Variants in PCDH9 observed in about 807,000 individuals in gnomAD.
PCDH9 encodes the protein protocadherin-9.
PCDH9 carries 24 observed loss-of-function variants against 70.6 expected under a neutral mutation model. The observed-to-expected ratio is 0.34, with a 90% confidence interval of 0.25 to 0.48. The LOEUF (loss-of-function observed/expected upper bound fraction) is 0.48, where lower values mean the gene tolerates loss of function less well. PCDH9 is among the 20% of genes least tolerant of loss of function. PCDH9 has a pLI of 0.99. For missense variants in PCDH9, 1,281 were observed against 1,503.6 expected, an observed-to-expected ratio of 0.85 and a Z score of 2.45; for synonymous variants, 562 against 558.5, an observed-to-expected ratio of 1.01 and a Z score of -0.09.
chr13:66,829,266 C>T (rs947949752), intron 3 of PCDH9, among the ~76,000 whole-genome samples: 3 of 152,160 alleles, frequency 2.0e-5, no homozygotes, highest in African/African-American at 7.2e-5. Context: ...ATCCACCCAC[C>T]TCGGCCTCCC....
intron 3 of PCDH9, among the ~76,000 whole-genome samples, chr13:66,843,757 C>T (rs2081156410): frequency 6.6e-6 from 1 of 152,174 alleles, no homozygotes; most frequent in Admixed American, 6.5e-5. Flanking sequence ...GGCCCCATAG[C>T]AAAGTCTTTC....
chr13:66,398,033 A>G (rs1489481734), intron 4 of PCDH9, among the ~76,000 whole-genome samples: 1 of 152,128 alleles, frequency 6.6e-6, no homozygotes. Context: ...GTTCTGGCTT[A>G]TACCATAGAA....
At chr13:66,718,729 AG>A (rs1384471596) in intron 3 of PCDH9, among the ~76,000 whole-genome samples, 2 of 152,254 alleles carry the variant, frequency 1.3e-5, no homozygotes, top group African/African-American at 4.8e-5. Context: ...AAGCACCAAA[AG>A]AAATGTTGGT....
chr13:66,563,232 T>C (rs916394619), intron 4 of PCDH9, among the ~76,000 whole-genome samples: 2 of 152,138 alleles, frequency 1.3e-5, no homozygotes, highest in African/African-American at 4.8e-5. Context: ...TTCCCAGTTC[T>C]CTAAACAGCA....
chr13:66,622,195 C>T (rs2077431503), intron 4 of PCDH9, among the ~76,000 whole-genome samples: 1 of 152,222 alleles, frequency 6.6e-6, no homozygotes, highest in Non-Finnish European at 1.5e-5. Context: ...CGGGACAGGG[C>T]TTGAGACCTG....
intron 4 of PCDH9, among the ~76,000 whole-genome samples, chr13:66,396,427 G>A (rs1464830507): frequency 2.0e-5 from 3 of 152,090 alleles, no homozygotes; most frequent in Non-Finnish European, 4.4e-5. Context: ...CTGGAGACCC[G>A]GACTAAGGCT....
intron 3 of PCDH9, among the ~76,000 whole-genome samples, chr13:66,889,431 C>T (rs1241289915): frequency 6.6e-6 from 1 of 152,198 alleles, no homozygotes; most frequent in African/African-American, 2.4e-5. Flanking sequence ...GAGCAAGCTT[C>T]AGAGGGAAAG....
chr13:67,024,859 G>A (rs1373144916), intron 2 of PCDH9, among the ~76,000 whole-genome samples: 1 of 152,018 alleles, frequency 6.6e-6, no homozygotes, highest in Non-Finnish European at 1.5e-5. Flanking sequence ...AACATTTTCT[G>A]ATTTAACAAA....
intron 2 of PCDH9, among the ~76,000 whole-genome samples, chr13:66,967,325 A>G (rs1290837197): frequency 6.6e-6 from 1 of 152,078 alleles, no homozygotes; most frequent in Non-Finnish European, 1.5e-5. Context: ...ACTGTCCAAC[A>G]TTGTTGCTAT....
chr13:66,389,479 G>A (rs1251812909), intron 4 of PCDH9, among the ~76,000 whole-genome samples: 2 of 152,144 alleles, frequency 1.3e-5, no homozygotes, highest in African/African-American at 4.8e-5. Context: ...CTCAAACACG[G>A]TTTAATTTTT....
intron 2 of PCDH9, among the ~76,000 whole-genome samples, chr13:67,096,287 C>G (rs1051570410): frequency 2.0e-5 from 3 of 152,104 alleles, no homozygotes; most frequent in African/African-American, 7.2e-5. Flanking sequence ...TTTCATATAG[C>G]AACACACCAA....
At chr13:66,746,366 T>G (rs1357142557) in intron 3 of PCDH9, among the ~76,000 whole-genome samples, 1 of 152,220 alleles carries the variant, frequency 6.6e-6, no homozygotes, top group Admixed American at 6.5e-5. Flanking sequence ...TTAAATATTT[T>G]TAATGTATGT....
At chr13:66,575,447 T>C (rs754123089) in intron 4 of PCDH9, among the ~76,000 whole-genome samples, 3 of 152,092 alleles carry the variant, frequency 2.0e-5, no homozygotes, top group Non-Finnish European at 4.4e-5. Context: ...TACTCAAAAA[T>C]CTGGGAATGG....
At chr13:67,045,724 A>G (rs2085210406) in intron 2 of PCDH9, among the ~76,000 whole-genome samples, 1 of 152,154 alleles carries the variant, frequency 6.6e-6, no homozygotes, top group South Asian at 2.1e-4. Flanking sequence ...TGCTCTTATC[A>G]TGTCTAGTAA....
At chr13:67,164,965 T>C (rs886486183) in intron 2 of PCDH9, among the ~76,000 whole-genome samples, 5 of 152,086 alleles carry the variant, frequency 3.3e-5, no homozygotes, top group African/African-American at 1.2e-4. Context: ...ACTATATACC[T>C]CCATGAAAGC....
At chr13:66,560,997 T>C (rs1358704932) in intron 4 of PCDH9, among the ~76,000 whole-genome samples, 3 of 152,210 alleles carry the variant, frequency 2.0e-5, no homozygotes, top group Non-Finnish European at 2.9e-5. Context: ...GCCGCTGCAC[T>C]GTGGGAGCCC....
chr13:66,944,458 A>G (rs1441752297), intron 2 of PCDH9, among the ~76,000 whole-genome samples: 1 of 152,142 alleles, frequency 6.6e-6, no homozygotes, highest in African/African-American at 2.4e-5. Flanking sequence ...TATGCCAACT[A>G]TATTTTCTAC....
rs115351020 is a variant in PCDH9, at chr13:66,903,010, G to T, written c.3138+494C>A. Among the ~76,000 whole-genome samples the T allele has an allele frequency of 9.8e-3, 1,479 of 151,536 alleles. 23 individuals carry two copies. Among genetic ancestry groups the T allele is most frequent in the African/African-American group, 0.033 (1,375 of 41,412 alleles). On this transcript the variant is annotated intron_variant, in intron 3 of 4. Coordinates refer to ENST00000377865, the MANE Select transcript of PCDH9 (RefSeq NM_203487.3). ...AGTTCAAAAATACAGGGAAATAAAAGATCAAACTGATATAAAGTAGTAAAA... is the reference window on the plus strand; with the variant it reads ...AGTTCAAAAATACAGGGAAATAAAATATCAAACTGATATAAAGTAGTAAAA...
rs1449662419 is a variant in PCDH9, at chr13:66,730,888, T to TTTTTG, written c.3139-99478_3139-99477insCAAAA. On this transcript the variant is annotated intron_variant, in intron 3 of 4. Transcript: ENST00000377865. ...TTTGTGTGTGTGTGTTTTTTTTTTG[T>TTTTTG]TTGTTTCTTTTTTTTTGTGGAGACA... Among the ~76,000 whole-genome samples the TTTTTG allele has an allele frequency of 9.2e-4, 7 of 7,584 alleles. 1 individual carries two copies. In the South Asian group the frequency reaches 0.075, roughly 81 times the overall value. The allele number at this position is 7,584 out of a possible 152,430, so 5.0% of individuals were successfully genotyped here. A position where few individuals can be genotyped will look rare whatever the true frequency, so the allele number is the denominator to read the frequency against.
Sources: allele counts gnomAD v4.1 joint callset (sites outside exome capture counted in the v4.1 genomes callset), GRCh38; gene constraint gnomAD v4.1.1; transcripts MANE v1.5; gene names NCBI Gene and HGNC (gene_info 2026-07-23, HGNC 2026-07-21).